Variants in ASTN2 observed in about 807,000 individuals in gnomAD.
ASTN2 encodes astrotactin-2.
ASTN2 carries 54 observed loss-of-function variants against 139.8 expected under a neutral mutation model. The observed-to-expected ratio is 0.39, with a 90% CI of 0.31 to 0.48. The LOEUF (loss-of-function observed/expected upper bound fraction) is 0.48, where lower values mean the gene tolerates loss of function less well. Ranked by LOEUF, ASTN2 falls within the 20% of genes least tolerant of loss-of-function variation. The pLI, the probability that ASTN2 is intolerant of heterozygous loss-of-function variation, is 0.95. For missense variants in ASTN2, 1,565 were observed against 1,725.1 expected (o/e 0.91, Z 1.64); for synonymous variants, 756 against 719.5 (o/e 1.05, Z -0.81).
rs189651889 is a variant in ASTN2, at chr9:116,999,638, C to G, written c.1591+8454G>C. ...GCACTGGTGAAATCTCAGCTCACTG[C>G]AACCTTCGCCTCTCAGGCTCAAGCA... On this transcript the variant is annotated intron_variant, in intron 7 of 22. Transcript: ENST00000313400. Among the ~76,000 whole-genome samples, 134 of 140,932 alleles carry G rather than the reference C, an allele frequency of 9.5e-4. 1 individual carries two copies. Among genetic ancestry groups the G allele is most frequent in the African/African-American group, 3.5e-3 (127 of 35,972 alleles). 92.5% of individuals were successfully genotyped at this position (140,932 alleles called of 152,430 possible).
intron 5 of ASTN2, among the ~76,000 whole-genome samples, chr9:117,060,476 G>GGAAT (rs1839244852): frequency 1.1e-5 from 1 of 89,084 alleles, no homozygotes. Flanking sequence ...AAGGAAGGAA[G>GGAAT]GAAGGAAGGA....
At chr9:117,182,145 C>T (rs888851734) in intron 3 of ASTN2, among the ~76,000 whole-genome samples, 1 of 152,108 alleles carries the variant, frequency 6.6e-6, no homozygotes, top group Non-Finnish European at 1.5e-5. Context: ...CTCTCTCTCC[C>T]CTGCCCACAC....
At chr9:117,164,620 G>T (rs542073766) in intron 3 of ASTN2, among the ~76,000 whole-genome samples, 1 of 152,210 alleles carries the variant, frequency 6.6e-6, no homozygotes, top group African/African-American at 2.4e-5. Context: ...ATTTGAGGTT[G>T]TGAATGAAGC....
chr9:116,527,426 G>T (rs1251074024), intron 19 of ASTN2, among the ~76,000 whole-genome samples: 2 of 152,138 alleles, frequency 1.3e-5, no homozygotes, highest in African/African-American at 4.8e-5. Flanking sequence ...ATGAAAAAAT[G>T]CTCAATATCA....
intron 19 of ASTN2, among the ~76,000 whole-genome samples, chr9:116,602,666 C>A (rs556895227): frequency 1.3e-5 from 2 of 152,248 alleles, no homozygotes; most frequent in South Asian, 4.1e-4. Flanking sequence ...TGGTGGCTCA[C>A]ATTTGTAATC....
chr9:116,662,200 C>T (rs1432073431), intron 16 of ASTN2, among the ~76,000 whole-genome samples: 2 of 152,076 alleles, frequency 1.3e-5, no homozygotes, highest in African/African-American at 4.8e-5. Context: ...TGACCATAGA[C>T]AAGCTTCTTC....
intron 1 of ASTN2, among the ~76,000 whole-genome samples, chr9:117,325,592 A>G (rs1258377694): frequency 1.3e-5 from 2 of 152,106 alleles, no homozygotes; most frequent in South Asian, 2.1e-4. Context: ...CAATTCCCCC[A>G]TAATTACCTG....
intron 11 of ASTN2, among the ~76,000 whole-genome samples, chr9:116,861,210 A>C (rs1832869096): frequency 1.9e-5 from 2 of 106,594 alleles, no homozygotes; most frequent in African/African-American, 7.1e-5. Flanking sequence ...AGACAAGCCC[A>C]AGCTACACAC....
At chr9:116,876,153 T>C (rs972296030) in intron 10 of ASTN2, among the ~76,000 whole-genome samples, 2 of 152,236 alleles carry the variant, frequency 1.3e-5, no homozygotes, top group Non-Finnish European at 2.9e-5. Context: ...AAAATATCAA[T>C]ATTAGCACGA....
intron 10 of ASTN2, among the ~76,000 whole-genome samples, chr9:116,880,187 G>A (rs1388882501): frequency 6.6e-6 from 1 of 152,144 alleles, no homozygotes; most frequent in Non-Finnish European, 1.5e-5. Context: ...ACACACCTAT[G>A]TTTGTTGCCT....
At chr9:116,726,857 C>A (rs1008626081) in intron 15 of ASTN2, among the ~76,000 whole-genome samples, 5 of 152,168 alleles carry the variant, frequency 3.3e-5, no homozygotes, top group Non-Finnish European at 5.9e-5. Flanking sequence ...CTGGACAAAG[C>A]CTAGTGACCT....
intron 1 of ASTN2, among the ~76,000 whole-genome samples, chr9:117,332,368 C>T (rs993945083): frequency 6.6e-6 from 1 of 152,060 alleles, no homozygotes; most frequent in African/African-American, 2.4e-5. Context: ...GTCAGGAGTT[C>T]AAGACCAGCC....
chr9:117,401,304 C>A (rs545147223), intron 1 of ASTN2, among the ~76,000 whole-genome samples: 1 of 152,108 alleles, frequency 6.6e-6, no homozygotes, highest in Non-Finnish European at 1.5e-5. Context: ...CCTCCAAATA[C>A]CTGTCAGGTA....
chr9:116,986,068 C>T (rs1836669223), intron 7 of ASTN2, among the ~76,000 whole-genome samples: 3 of 152,072 alleles, frequency 2.0e-5, no homozygotes, highest in Non-Finnish European at 1.5e-5. Context: ...GTTACTGCAT[C>T]GCCAGACGTG....
chr9:117,106,174 G>T (rs571897513), intron 4 of ASTN2, among the ~76,000 whole-genome samples: 30 of 152,182 alleles, frequency 2.0e-4, no homozygotes, highest in Non-Finnish European at 4.0e-4. Flanking sequence ...GTCATCTGAG[G>T]TTGCTTATGT....
At chr9:117,319,196 CTA>C (rs1423808717) in intron 1 of ASTN2, among the ~76,000 whole-genome samples, 1 of 152,154 alleles carries the variant, frequency 6.6e-6, no homozygotes, top group Non-Finnish European at 1.5e-5. Flanking sequence ...TTATGCAGAT[CTA>C]TAGTCTCACC....
intron 10 of ASTN2, among the ~76,000 whole-genome samples, chr9:116,958,465 T>C (rs977863118): frequency 2.6e-5 from 4 of 152,078 alleles, no homozygotes; most frequent in African/African-American, 9.7e-5. Flanking sequence ...GGCGGGTGCC[T>C]GTAGTCCCAG....
intron 16 of ASTN2, among the ~76,000 whole-genome samples, chr9:116,720,719 A>G (rs1828448888): frequency 6.6e-6 from 1 of 152,188 alleles, no homozygotes. Flanking sequence ...AGAAGCAATT[A>G]AAAATTCAAA....
intron 7 of ASTN2, among the ~76,000 whole-genome samples, chr9:117,002,947 C>G (rs755515875): frequency 7.2e-5 from 11 of 152,066 alleles, no homozygotes; most frequent in African/African-American, 2.7e-4. Context: ...AGGAATGCCA[C>G]CTGTAGGAGG....
Sources: allele counts gnomAD v4.1 joint callset (sites outside exome capture counted in the v4.1 genomes callset), GRCh38; gene constraint gnomAD v4.1.1; transcripts MANE v1.5; gene names NCBI Gene and HGNC (gene_info 2026-07-23, HGNC 2026-07-21).